PDZD2: variants seen among roughly 807,000 people sequenced by gnomAD.
The protein encoded by PDZD2 is PDZ domain containing 2.
In PDZD2, 90 loss-of-function variants were observed where a neutral mutation model predicts 220.7. That is an observed-to-expected ratio of 0.41 (90% CI 0.34 to 0.49). PDZD2 has a LOEUF of 0.49. PDZD2 is among the 20% of genes least tolerant of loss of function. The probability of loss-of-function intolerance (pLI) is 0.28; values close to 1 mark genes in which losing one functional copy is unlikely to be tolerated. For synonymous variants in PDZD2, 1,375 were observed against 1,450.5 expected (o/e 0.95, Z 1.18); for missense variants, 3,174 against 3,608.5 (o/e 0.88, Z 3.08).
intron 2 of PDZD2, among the ~76,000 whole-genome samples, chr5:31,887,768 C>G (rs570409679): frequency 6.6e-6 from 1 of 151,782 alleles, no homozygotes; most frequent in Non-Finnish European, 1.5e-5. Context: ...TGTGCATGCC[C>G]TGTGTCTCAA....
At chr5:31,920,412 G>T (rs1232936531) in intron 2 of PDZD2, among the ~76,000 whole-genome samples, 4 of 151,548 alleles carry the variant, frequency 2.6e-5, no homozygotes, top group Non-Finnish European at 4.4e-5. Context: ...CACTGGGGTG[G>T]TGCATTTGTT....
intron 2 of PDZD2, among the ~76,000 whole-genome samples, chr5:31,825,899 C>T (rs1022387219): frequency 2.0e-5 from 3 of 151,742 alleles, no homozygotes; most frequent in African/African-American, 7.3e-5. Context: ...TTACTTGTTT[C>T]CACAGGCATG....
intron 1 of PDZD2, among the ~76,000 whole-genome samples, chr5:31,652,947 G>A (rs959979412): frequency 2.0e-5 from 3 of 152,120 alleles, no homozygotes; most frequent in Non-Finnish European, 4.4e-5. Flanking sequence ...GGGAGGCGGA[G>A]GTTTCAGTGA....
intron 1 of PDZD2, among the ~76,000 whole-genome samples, chr5:31,720,938 AC>A (rs1748751765): frequency 6.6e-6 from 1 of 152,192 alleles, no homozygotes; most frequent in South Asian, 2.1e-4. Context: ...TCTATGAACC[AC>A]CTTGGGGAAA....
chr5:32,060,916 T>C lies in PDZD2; in HGVS notation c.2319-86T>C, dbSNP rs138854512. On this transcript the variant is annotated intron_variant, in intron 13 of 24. Transcript: ENST00000438447. ...TAAAGTATTCAGAAAAGATTTCATA[T>C]TATAAACCTCTCCTAGCAAGAAGGC... is the stretch of plus-strand genomic sequence containing the variant. The C allele has an allele frequency of 8.7e-5, 114 of 1,307,718 alleles. 2 individuals carry two copies. The African/African-American group carries it at 1.5e-3, about 17-fold the overall frequency. 81.0% of individuals were successfully genotyped at this position (1,307,718 alleles called of 1,614,324 possible).
chr5:31,867,790 C>G (rs1347892772), intron 2 of PDZD2, among the ~76,000 whole-genome samples: 1 of 150,970 alleles, frequency 6.6e-6, no homozygotes, highest in Non-Finnish European at 1.5e-5. Flanking sequence ...TTATATTCTT[C>G]TACATATGTG....
Position 31,900,670 on chromosome 5 carries a change from A to C in PDZD2, c.477-82485A>C, listed in dbSNP as rs1341724099. Among the ~76,000 whole-genome samples, 5 of 152,314 alleles carry C rather than the reference A, an allele frequency of 3.3e-5. No homozygotes were observed. The East Asian group carries it at 7.7e-4, about 24-fold the overall frequency. ...CCATAATTAGGTGATTTCATGTAAA[A>C]TGCTCTTCAGTTATTTCTTGGGAGG... On this transcript the variant is annotated intron_variant, in intron 2 of 24. Coordinates refer to ENST00000438447, the MANE Select transcript of PDZD2 (RefSeq NM_178140.4).
chr5:31,849,910 A>ACG (rs1561506969), intron 2 of PDZD2, among the ~76,000 whole-genome samples: 435 of 23,796 alleles, frequency 0.018, 96 homozygotes, highest in East Asian at 0.041. Context: ...ATATACATAT[A>ACG]TATATATACA....
At chr5:31,968,078 C>T (rs368308101) in intron 2 of PDZD2, among the ~76,000 whole-genome samples, 27 of 152,090 alleles carry the variant, frequency 1.8e-4, no homozygotes, top group African/African-American at 6.0e-4. Flanking sequence ...GGAGGTGAGG[C>T]CTTGGGGAGG....
chr5:31,806,735 C>T (rs1440510193), intron 2 of PDZD2, among the ~76,000 whole-genome samples: 3 of 152,116 alleles, frequency 2.0e-5, no homozygotes, highest in Admixed American at 6.6e-5. Flanking sequence ...TACTTTGTAA[C>T]GCCAGTCACT....
intron 4 of PDZD2, among the ~76,000 whole-genome samples, chr5:31,996,589 T>A (rs1003319084): frequency 6.6e-6 from 1 of 152,080 alleles, no homozygotes; most frequent in Non-Finnish European, 1.5e-5. Flanking sequence ...GTGCCTGTAG[T>A]CCCAGGTACT....
At chr5:31,869,469 A>G (rs1738556430) in intron 2 of PDZD2, among the ~76,000 whole-genome samples, 2 of 151,970 alleles carry the variant, frequency 1.3e-5, no homozygotes, top group South Asian at 4.2e-4. Context: ...AGGCTGAGGC[A>G]GGAGAATGGC....
At chr5:31,822,718 T>G (rs1252426471) in intron 2 of PDZD2, 1 of 1,264,976 alleles carries the variant, frequency 7.9e-7, no homozygotes, top group Non-Finnish European at 1.1e-6. Context: ...TTCATCTTTC[T>G]GAGTTTGAGA....
At chr5:31,846,874 T>C (rs1198247378) in intron 2 of PDZD2, among the ~76,000 whole-genome samples, 2 of 152,350 alleles carry the variant, frequency 1.3e-5, no homozygotes, top group Non-Finnish European at 2.9e-5. Flanking sequence ...CAAACACTTG[T>C]ATAATTATGC....
At position 31,820,088 on chromosome 5, in the gene PDZD2, G is replaced by A. The variant is rs533090243; in HGVS notation, c.476+20364G>A. On this transcript the variant is annotated intron_variant, in intron 2 of 24. Transcript: ENST00000438447. ...CAATGCGGTGCCTCCCCAAGCTGGG[G>A]GCTGGGTCCGGTAATGAGGTGTAAC... Among the ~76,000 whole-genome samples the A allele has an allele frequency of 2.0e-5, 3 of 152,342 alleles. No individual in the cohort carries two copies. The East Asian group carries it at 5.8e-4, about 29-fold the overall frequency.
At chr5:31,831,011 G>C (rs1261686746) in intron 2 of PDZD2, among the ~76,000 whole-genome samples, 1 of 152,248 alleles carries the variant, frequency 6.6e-6, no homozygotes, top group Non-Finnish European at 1.5e-5. Context: ...AGTTTACGAA[G>C]TGTGGAGACC....
chr5:31,933,487 C>T lies in PDZD2; in HGVS notation c.477-49668C>T, dbSNP rs892445579. On this transcript the variant is annotated intron_variant, in intron 2 of 24. Transcript: ENST00000438447. ...GCTTTTGCTGTATGATCGACTCCTG[C>T]TGGGGATTTCTGGGATTGCCCTCTT... Among the ~76,000 whole-genome samples, 31 of 152,004 alleles carry T rather than the reference C, an allele frequency of 2.0e-4. 1 individual carries two copies. The highest frequency in any genetic ancestry group is 6.5e-4 in the African/African-American group (27 of 41,386).
intron 1 of PDZD2, among the ~76,000 whole-genome samples, chr5:31,689,347 A>T (rs1580568415): frequency 3.2e-5 from 1 of 31,514 alleles, no homozygotes; most frequent in South Asian, 8.4e-4. Flanking sequence ...ATATATATAT[A>T]TATATATTTT....
At chr5:31,767,703 T>C (rs2150194393) in intron 1 of PDZD2, among the ~76,000 whole-genome samples, 2 of 152,328 alleles carry the variant, frequency 1.3e-5, no homozygotes, top group South Asian at 4.1e-4. Context: ...CTCTGCAATA[T>C]TGATGGGGCC....
Sources: allele counts gnomAD v4.1 joint callset (sites outside exome capture counted in the v4.1 genomes callset), GRCh38; gene constraint gnomAD v4.1.1; transcripts MANE v1.5; gene names NCBI Gene and HGNC (gene_info 2026-07-23, HGNC 2026-07-21).